Variants in GREB1 observed in about 807,000 individuals in gnomAD.
GREB1 encodes the protein growth regulating estrogen receptor binding 1.
Under a neutral mutation model 200.7 loss-of-function variants are expected in GREB1, and 106 were observed. The observed-to-expected ratio is 0.53, with a 90% CI of 0.45 to 0.62. The LOEUF (loss-of-function observed/expected upper bound fraction) is 0.62. GREB1 is among the 20% of genes least tolerant of loss of function. GREB1 has a pLI of 0.00. For missense variants in GREB1, 2,243 were observed against 2,556.8 expected, an observed-to-expected ratio of 0.88 and a Z score of 2.65; for synonymous variants, 1,132 against 1,092.4, an observed-to-expected ratio of 1.04 and a Z score of -0.72.
chr2:11,598,553 C>T, intron 14 of GREB1, 127 bp from the exon 15 acceptor site: 1 of 833,914 alleles, frequency 1.2e-6, no homozygotes, highest in Admixed American at 2.2e-5. Flanking sequence ...CCTTCCTTTC[C>T]CTGCTCTTGC....
At chr2:11,523,484 G>A (rs1479194440) in intron 1 of GREB1, among the ~76,000 whole-genome samples, 1 of 152,336 alleles carries the variant, frequency 6.6e-6, no homozygotes, top group East Asian at 1.9e-4. Flanking sequence ...TGCCATGGTA[G>A]ATGGTCCATA....
chr2:11,545,295 G>A (rs1234806556), intron 1 of GREB1, among the ~76,000 whole-genome samples: 1 of 151,630 alleles, frequency 6.6e-6, no homozygotes, highest in Non-Finnish European at 1.5e-5. Flanking sequence ...CACCTCACCT[G>A]GCTGATTTTT....
At position 11,629,610 on chromosome 2, in the gene GREB1, C is replaced by G. The variant is rs1684724886; in HGVS notation, c.4450-338C>G. Among the ~76,000 whole-genome samples the G allele has an allele frequency of 6.6e-6, 1 of 152,208 alleles. No individual in the cohort carries two copies. The highest frequency in any genetic ancestry group is 1.5e-5 in the Non-Finnish European group (1 of 68,040). ...TTAGAATTAAAAATGAGCTCTGTAG[C>G]ATGAATGCTTGAGTTGGTGACCCAG... On this transcript the variant is annotated intron_variant, in intron 25 of 32. Transcript: ENST00000381486. The surrounding 1 kb of genome is among the most constrained non-coding windows in gnomAD (Gnocchi z 5.2).
At chr2:11,532,217 C>A (rs16857586), upstream of GREB1, among the ~76,000 whole-genome samples, 11,488 of 152,142 alleles carry the variant, frequency 0.076, 1,376 homozygotes, top group African/African-American at 0.25. Flanking sequence ...GTATAGGAGC[C>A]CTTCATCAGT....
intron 1 of GREB1, among the ~76,000 whole-genome samples, chr2:11,515,058 A>G (rs73187472): frequency 0.19 from 26,312 of 139,110 alleles, 2,943 homozygotes; most frequent in African/African-American, 0.33. Context: ...ATCCATCCAC[A>G]CATGTATCCA....
intron 17 of GREB1, 37 bp downstream of exon 17, chr2:11,602,579 G>A: frequency 6.3e-7 from 1 of 1,594,328 alleles, no homozygotes; most frequent in African/African-American, 1.3e-5. Context: ...GAAGTGCTCA[G>A]TAGCTTAAAG....
chr2:11,636,755 GGGGCAA>G (rs869105207), intron 30 of GREB1, among the ~76,000 whole-genome samples: 9 of 135,734 alleles, frequency 6.6e-5, no homozygotes, highest in South Asian at 2.6e-4. Flanking sequence ...GGCATGGGCA[GGGGCAA>G]GGGCAGGGGC....
In GREB1 at chr2:11,641,482, T is replaced by TGTTTTGTTTTGTTTA; in HGVS notation, c.*1042_*1043insAGTTTTGTTTTGTTT. On this transcript the variant is annotated 3_prime_UTR_variant, in exon 33 of 33. Coordinates refer to ENST00000381486, the MANE Select transcript of GREB1 (RefSeq NM_014668.4). ...CTGACAGAATGGTTTTGTTTTGTTT[T>TGTTTTGTTTTGTTTA]GTTTTGTTTTGTTTTGTTTTTGAGA... 6.6e-6 allele frequency: 1 copy of TGTTTTGTTTTGTTTA among 152,110 alleles called. No individual in the cohort carries two copies. The highest frequency in any genetic ancestry group is 2.4e-5 in the African/African-American group (1 of 41,294). The allele number at this position is 152,110 out of a possible 1,614,324, so 9.4% of individuals were successfully genotyped here.
Position 11,602,388 on chromosome 2 carries a change from C to A in GREB1, c.2530-18C>A. ...GCGAATGCAGTGTTGGAGTGACCGA[C>A]GCTCTTCTTTGTTTTAGGGAGTGGA... On this transcript the variant is annotated intron_variant, in intron 16 of 32. Transcript: ENST00000381486. The A allele has an allele frequency of 6.2e-7, 1 of 1,611,862 alleles. No individual in the cohort carries two copies. Among genetic ancestry groups the A allele is most frequent in the African/African-American group, 1.3e-5 (1 of 74,988 alleles).
chr2:11,632,948 C>A lies in GREB1; in HGVS notation c.4876C>A (p.Arg1626=). The change falls in exon 28 of 33, where the codon CGG becomes AGG. Residue 1626 remains arginine, a synonymous_variant. Transcript: ENST00000381486. ...CCATAACCTGGAGCTCGAGCGGAAC[C>A]GGCAGGAGGAGCTGGGAATCAAGCC... ...SYHNLELERN[R]QEELGIKPQD... 2 of 1,614,126 alleles carry A rather than the reference C, an allele frequency of 1.2e-6. No individual in the cohort carries two copies. Among genetic ancestry groups the A allele is most frequent in the Non-Finnish European group, 1.7e-6 (2 of 1,180,000 alleles).
rs550899468 is a variant in GREB1 at position 11,634,250 on chromosome 2, G to A, written c.5111G>A (p.Arg1704Gln). ...CTGCGGAAGTGGTCCAGCAAGACCC[G>A]GGCCAGCGAGGTGCAAGAGCCCTTC... ...LGLRKWSSKT[R>Q]ASEVQEPFSR... The change falls in exon 29 of 33, where the codon CGG (arginine) becomes CAG (glutamine). Residue 1704 changes from arginine to glutamine, a missense_variant. Physicochemically the swap from Arg to Gln is conservative, Grantham distance 43 (BLOSUM62 1). Transcript: ENST00000381486. 2.0e-5 allele frequency: 33 copies of A among 1,614,176 alleles called. No individual in the cohort carries two copies. The highest frequency in any genetic ancestry group is 1.5e-4 in the African/African-American group (11 of 75,054).
intron 1 of GREB1, among the ~76,000 whole-genome samples, chr2:11,547,600 AAT>A (rs1558525535): frequency 6.6e-6 from 1 of 152,232 alleles, no homozygotes; most frequent in Non-Finnish European, 1.5e-5. Context: ...AAAAATTATA[AAT>A]ATACACACAG....
chr2:11,601,959 C>T (rs1390630170), intron 16 of GREB1, among the ~76,000 whole-genome samples: 2 of 152,190 alleles, frequency 1.3e-5, no homozygotes, highest in South Asian at 4.1e-4. Flanking sequence ...CAACAAACTC[C>T]CCCAACTTTG....
In GREB1 at chr2:11,620,994, G is replaced by A; in HGVS notation, c.4134G>A (p.Glu1378=). The A allele has an allele frequency of 1.3e-6, 2 of 1,599,486 alleles. No individual in the cohort carries two copies. The highest frequency in any genetic ancestry group is 1.7e-6 in the Non-Finnish European group (2 of 1,166,612). Residue 1378 remains glutamate (E), a synonymous_variant, in exon 23 of 33, where the codon GAG becomes GAA. Transcript: ENST00000381486. ...RLTEVDVYDE[E]EININLREES... is the part of the protein sequence containing the mutation. ...CAGAAGTGGATGTCTATGACGAGGA[G>A]GAGATCAATATCAGTGAGTTATCTG...
chr2:11,585,718 A>C, intron 8 of GREB1, 44 bp from the exon 9 acceptor site: 1 of 1,609,174 alleles, frequency 6.2e-7, no homozygotes, highest in Non-Finnish European at 8.5e-7. Context: ...TGAGAGGTGG[A>C]TGCCTTGTCT....
intron 1 of GREB1, among the ~76,000 whole-genome samples, chr2:11,511,694 C>T (rs1673356598): frequency 6.6e-6 from 1 of 152,160 alleles, no homozygotes; most frequent in African/African-American, 2.4e-5. Flanking sequence ...TGCTGAGACC[C>T]TGAGCTTAGG....
chr2:11,595,410 G>T lies in GREB1; in HGVS notation c.1825+31G>T, dbSNP rs184191764. 2.5e-6 allele frequency: 4 copies of T among 1,605,018 alleles called. No individual in the cohort carries two copies. In the South Asian group the frequency reaches 4.4e-5, roughly 18 times the overall value. On this transcript the variant is annotated intron_variant, in intron 12 of 32. Coordinates refer to ENST00000381486, the MANE Select transcript of GREB1 (RefSeq NM_014668.4). ...CTTGTCGTGAGACAGGTGCACATGC[G>T]TATGTTAATAGGACAGTAATCAGTG...
At chr2:11,484,987 C>G (rs1191576929) in intron 1 of GREB1, among the ~76,000 whole-genome samples, 1 of 152,102 alleles carries the variant, frequency 6.6e-6, no homozygotes, top group Non-Finnish European at 1.5e-5. Flanking sequence ...CTACAGGCGC[C>G]CGCCACGGCG....
At chr2:11,560,562 G>A (rs775957039) in intron 2 of GREB1, among the ~76,000 whole-genome samples, 8 of 152,112 alleles carry the variant, frequency 5.3e-5, no homozygotes, top group Non-Finnish European at 7.4e-5. Context: ...TTCGTTGGGC[G>A]TAATGGTAGG....
Sources: allele counts gnomAD v4.1 joint callset (sites outside exome capture counted in the v4.1 genomes callset), GRCh38; gene constraint gnomAD v4.1.1; non-coding constraint Gnocchi (gnomAD v3.1); transcripts MANE v1.5; gene names NCBI Gene and HGNC (gene_info 2026-07-23, HGNC 2026-07-21).